PRKAG2: variants seen among roughly 807,000 people sequenced by gnomAD.
PRKAG2 encodes 5'-AMP-activated protein kinase subunit gamma-2.
A neutral mutation model predicts 69.6 loss-of-function variants in PRKAG2; 26 were observed. The observed-to-expected ratio is 0.37, with a 90% CI of 0.27 to 0.52. The LOEUF (loss-of-function observed/expected upper bound fraction) is 0.52, where lower values mean the gene tolerates loss of function less well. PRKAG2 is among the 20% of genes least tolerant of loss of function. PRKAG2 has a pLI of 0.90. For synonymous variants in PRKAG2, 293 were observed against 285.0 expected (o/e 1.03, Z -0.28); for missense variants, 557 against 740.0 (o/e 0.75, Z 2.87).
intron 1 of PRKAG2, among the ~76,000 whole-genome samples, chr7:151,864,055 A>G (rs1336893784): frequency 6.6e-6 from 1 of 152,066 alleles, no homozygotes. Context: ...TCTAGAGGAG[A>G]GGAGAGAGGA....
At chr7:151,773,023 A>AAGAAAGAAAGAAAGAGAG (rs1563639223) in intron 3 of PRKAG2, among the ~76,000 whole-genome samples, 4 of 55,056 alleles carry the variant, frequency 7.3e-5, no homozygotes, top group Non-Finnish European at 1.4e-4. Flanking sequence ...GAAAGAAAGA[A>AAGAAAGAAAGAAAGAGAG]AGAGAGAGAG....
At chr7:151,674,761 CTTTT>C (rs5888446) in intron 4 of PRKAG2, among the ~76,000 whole-genome samples, 1 of 148,134 alleles carries the variant, frequency 6.8e-6, no homozygotes, top group African/African-American at 2.5e-5. Flanking sequence ...TTCTGTTTTA[CTTTT>C]TTTTTTTGCT....
At chr7:151,725,784 G>T (rs1797842342) in intron 3 of PRKAG2, among the ~76,000 whole-genome samples, 1 of 152,186 alleles carries the variant, frequency 6.6e-6, no homozygotes, top group African/African-American at 2.4e-5. Flanking sequence ...GGGCTGGTCT[G>T]CACCCTGCCT....
chr7:151,570,223 G>C lies in PRKAG2; in HGVS notation c.1054C>G (p.Leu352Val), dbSNP rs1807224633. ...GGCTTAAATGTTTCTTGTAAATAAA[G>C]CTCTGTATTTATAGAAAGAAAATAT... Reference protein sequence around the residue: ...EEHKIETWRELYLQETFKPLV... With the variant: ...EEHKIETWREVYLQETFKPLV... Residue 352 changes from leucine (L) to valine (V), a missense_variant and splice_region_variant, in exon 10 of 16, where the codon CTT becomes GTT. This residue lies in a region of PRKAG2 where 205 missense variants were observed against 383.4 expected (regional missense o/e 0.53). Transcript: ENST00000287878. The C allele has an allele frequency of 1.2e-6, 2 of 1,602,266 alleles. No homozygotes were observed. Among genetic ancestry groups the C allele is most frequent in the Non-Finnish European group, 1.7e-6 (2 of 1,172,006 alleles).
At chr7:151,662,862 G>A (rs546346634) in intron 4 of PRKAG2, among the ~76,000 whole-genome samples, 5 of 152,316 alleles carry the variant, frequency 3.3e-5, no homozygotes, top group African/African-American at 1.2e-4. Flanking sequence ...TCACACTCCA[G>A]CATGAGTGAC....
At chr7:151,683,880 C>G (rs1169832269) in intron 3 of PRKAG2, among the ~76,000 whole-genome samples, 1 of 152,182 alleles carries the variant, frequency 6.6e-6, no homozygotes, top group East Asian at 1.9e-4. Context: ...GACCCAGAAC[C>G]CAGCCTCTGA....
intron 5 of PRKAG2, among the ~76,000 whole-genome samples, chr7:151,606,584 C>T (rs1817611964): frequency 6.6e-6 from 1 of 152,198 alleles, no homozygotes; most frequent in Non-Finnish European, 1.5e-5. Flanking sequence ...TTTTGGGAGG[C>T]TGAGCTGGGT....
chr7:151,562,525 T>C (rs73475412), intron 14 of PRKAG2, among the ~76,000 whole-genome samples: 2,232 of 152,220 alleles, frequency 0.015, 44 homozygotes, highest in African/African-American at 0.051. Context: ...AACATAAATT[T>C]CTTTTAAATG....
chr7:151,872,835 G>A (rs1240128164), intron 1 of PRKAG2, among the ~76,000 whole-genome samples: 2 of 152,190 alleles, frequency 1.3e-5, no homozygotes, highest in Non-Finnish European at 2.9e-5. Context: ...CTGGGCCCCA[G>A]GCACCAGGAG....
At chr7:151,613,162 G>A (rs1819274223) in intron 5 of PRKAG2, among the ~76,000 whole-genome samples, 1 of 152,184 alleles carries the variant, frequency 6.6e-6, no homozygotes, top group East Asian at 1.9e-4. Context: ...TGGGGTTGAC[G>A]CAGTATCTTC....
At chr7:151,655,151 G>T (rs1244181408) in intron 4 of PRKAG2, among the ~76,000 whole-genome samples, 1 of 152,104 alleles carries the variant, frequency 6.6e-6, no homozygotes, top group Non-Finnish European at 1.5e-5. Context: ...CTTTCAGAAA[G>T]AAACAGCAAT....
At chr7:151,854,278 C>A (rs1287899774) in intron 1 of PRKAG2, among the ~76,000 whole-genome samples, 1 of 152,270 alleles carries the variant, frequency 6.6e-6, no homozygotes, top group East Asian at 1.9e-4. Flanking sequence ...GCATGCCTCC[C>A]TTCCCCCCAC....
intron 5 of PRKAG2, among the ~76,000 whole-genome samples, chr7:151,625,615 C>T (rs1247136272): frequency 2.6e-5 from 4 of 152,156 alleles, no homozygotes; most frequent in African/African-American, 9.7e-5. Flanking sequence ...AGGAAGATGA[C>T]ACTGGCCGGG....
In PRKAG2 at chr7:151,610,739, C is replaced by CTTT. The variant is rs10523596; in HGVS notation, c.755-15288_755-15286dup. On this transcript the variant is annotated intron_variant, in intron 5 of 15. Transcript: ENST00000287878. The stretch of plus-strand genomic sequence containing the variant: ...GCATATTATAAATATTTTTTCTTTT[C>CTTT]TTTTTTTTTTTTTTTTTTTGAGATG... Among the ~76,000 whole-genome samples, 91 of 105,584 alleles carry CTTT rather than the reference C, an allele frequency of 8.6e-4. 6 individuals carry two copies. The highest frequency in any genetic ancestry group is 2.2e-3 in the African/African-American group (63 of 28,040). 69.3% of individuals were successfully genotyped at this position (105,584 alleles called of 152,430 possible). A position where few individuals can be genotyped will look rare whatever the true frequency, so the allele number is the denominator to read the frequency against.
chr7:151,662,620 T>G (rs906987198), intron 4 of PRKAG2, among the ~76,000 whole-genome samples: 2 of 152,138 alleles, frequency 1.3e-5, no homozygotes, highest in African/African-American at 4.8e-5. Flanking sequence ...TTCCATAAAA[T>G]GCAAGTCTGT....
intron 1 of PRKAG2, among the ~76,000 whole-genome samples, chr7:151,860,758 G>A (rs7789674): frequency 0.39 from 58,911 of 151,952 alleles, 12,668 homozygotes; most frequent in East Asian, 0.54. Flanking sequence ...TCCCAAGGAT[G>A]CCTGCTGTGC....
chr7:151,709,900 C>T (rs1479978771), intron 3 of PRKAG2, among the ~76,000 whole-genome samples: 1 of 152,124 alleles, frequency 6.6e-6, no homozygotes, highest in African/African-American at 2.4e-5. Context: ...GTGACAGTGA[C>T]AGTGACATGT....
Position 151,837,461 on chromosome 7 carries a change from A to G in PRKAG2, c.114+39046T>C, listed in dbSNP as rs149865026. 914 of 152,464 alleles carry G rather than the reference A, an allele frequency of 6.0e-3. 4 individuals are homozygous for G. Among genetic ancestry groups the G allele is most frequent in the Non-Finnish European group, 8.7e-3 (590 of 68,088 alleles). 9.4% of individuals were successfully genotyped at this position (152,464 alleles called of 1,614,324 possible). A position where few individuals can be genotyped will look rare whatever the true frequency, so the allele number is the denominator to read the frequency against. ...GGTGAATCCGGGCGACCCTCCCTCC[A>G]TCCAACCGTCGGCGCTCGCAGGGCG... On this transcript the variant is annotated intron_variant, in intron 1 of 15. Transcript: ENST00000287878.
At chr7:151,684,357 A>T (rs1035851977) in intron 3 of PRKAG2, among the ~76,000 whole-genome samples, 2 of 152,186 alleles carry the variant, frequency 1.3e-5, no homozygotes, top group Non-Finnish European at 2.9e-5. Flanking sequence ...ACTGGCCAGC[A>T]CCGTGGAAGC....
Sources: gnomAD v4.1 joint callset for allele counts (sites outside exome capture counted in the v4.1 genomes callset) on GRCh38, gnomAD v4.1.1 for gene constraint, gnomAD v4.1.1 regional missense constraint, MANE v1.5 for transcripts, NCBI Gene and HGNC (gene_info 2026-07-23, HGNC 2026-07-21) for gene names.